The following CHL1 variants were observed in gnomAD, a reference collection of about 807,000 sequenced individuals.
The protein encoded by CHL1 is neural cell adhesion molecule L1-like protein.
CHL1 carries 96 observed loss-of-function variants against 141.9 expected under a neutral mutation model. That is an observed-to-expected ratio of 0.68 (90% CI 0.57 to 0.80). CHL1 has a LOEUF of 0.80. Ranked by LOEUF, CHL1 falls within the 30% of genes least tolerant of loss-of-function variation. The pLI, the probability that CHL1 is intolerant of heterozygous loss-of-function variation, is 0.00. For missense variants in CHL1, 1,820 were observed against 1,457.2 expected, an observed-to-expected ratio of 1.25 and a Z score of -4.05; for synonymous variants, 613 against 502.2, an observed-to-expected ratio of 1.22 and a Z score of -2.95.
At chr3:229,931 G>C (rs987328563) in intron 1 of CHL1, among the ~76,000 whole-genome samples, 2 of 152,074 alleles carry the variant, frequency 1.3e-5, no homozygotes, top group African/African-American at 4.8e-5. Flanking sequence ...TCTCAAAGGG[G>C]AAGAGTCACA....
chr3:281,341 C>T (rs577325910), intron 2 of CHL1, among the ~76,000 whole-genome samples: 1 of 152,254 alleles, frequency 6.6e-6, no homozygotes, highest in Admixed American at 6.5e-5. Context: ...TAGAAAGGGA[C>T]CTCACATCCA....
At chr3:391,216 T>G (rs1347225287) in intron 22 of CHL1, 57 bp downstream of exon 22, 4 of 1,360,340 alleles carry the variant, frequency 2.9e-6, no homozygotes, top group Non-Finnish European at 3.1e-6. Flanking sequence ...ATGGCCATAT[T>G]AAACATTCTT....
intron 20 of CHL1, 77 bp from the exon 21 acceptor site, chr3:390,624 A>G: frequency 1.2e-6 from 1 of 822,936 alleles, no homozygotes; most frequent in Non-Finnish European, 2.0e-6. Context: ...AAGAAACATT[A>G]TGAAAATTTT....
intron 2 of CHL1, among the ~76,000 whole-genome samples, chr3:293,362 G>T (rs961100233): frequency 6.6e-6 from 1 of 152,094 alleles, no homozygotes; most frequent in African/African-American, 2.4e-5. Context: ...AATTAGCCGG[G>T]CATGATGGCA....
At chr3:261,410 A>G (rs191247093) in intron 2 of CHL1, among the ~76,000 whole-genome samples, 1 of 152,252 alleles carries the variant, frequency 6.6e-6, no homozygotes, top group East Asian at 1.9e-4. Context: ...AGAAAATAAT[A>G]TTATTTTTTC....
At chr3:402,933 A>G (rs970679135) in intron 27 of CHL1, among the ~76,000 whole-genome samples, 9 of 152,314 alleles carry the variant, frequency 5.9e-5, no homozygotes, top group African/African-American at 2.2e-4. Context: ...AACAATAAAC[A>G]TTTATTATTT....
At chr3:403,201 G>A (rs1709280454) in intron 27 of CHL1, among the ~76,000 whole-genome samples, 1 of 152,034 alleles carries the variant, frequency 6.6e-6, no homozygotes, top group Admixed American at 6.6e-5. Flanking sequence ...ATCTCCATGG[G>A]GCCATTCACA....
At chr3:265,664 C>T (rs985154078) in intron 2 of CHL1, among the ~76,000 whole-genome samples, 7 of 152,096 alleles carry the variant, frequency 4.6e-5, no homozygotes, top group African/African-American at 1.4e-4. Flanking sequence ...CATATTCATT[C>T]AAAACCTATG....
chr3:337,196 T>G lies in CHL1; in HGVS notation c.386-3598T>G, dbSNP rs28655909. ...CCAAACATTCTTTTGTTTTTGTTTT[T>G]TTTTTTTTTTTTGAGACGGGGTCTT... On this transcript the variant is annotated intron_variant, in intron 5 of 27. Transcript: ENST00000256509. Among the ~76,000 whole-genome samples, 1,179 of 143,678 alleles carry G rather than the reference T, an allele frequency of 8.2e-3. 36 individuals carry two copies. Among genetic ancestry groups the G allele is most frequent in the Admixed American group, 0.047 (685 of 14,560 alleles). The allele number at this position is 143,678 out of a possible 152,430, so 94.3% of individuals were successfully genotyped here. A position where few individuals can be genotyped will look rare whatever the true frequency, so the allele number is the denominator to read the frequency against.
chr3:214,376 A>T (rs1049805377), intron 1 of CHL1, among the ~76,000 whole-genome samples: 1 of 152,206 alleles, frequency 6.6e-6, no homozygotes, highest in Non-Finnish European at 1.5e-5. Context: ...AATGACTTCA[A>T]ATATTAGGAT....
chr3:242,420 C>T (rs561220029), intron 1 of CHL1, among the ~76,000 whole-genome samples: 10 of 137,642 alleles, frequency 7.3e-5, no homozygotes, highest in Non-Finnish European at 1.3e-4. Flanking sequence ...CACGGTGAAA[C>T]CCCGTCTCTA....
chr3:332,772 G>C (rs1226430178), intron 5 of CHL1, among the ~76,000 whole-genome samples: 1 of 152,126 alleles, frequency 6.6e-6, no homozygotes, highest in East Asian at 1.9e-4. Context: ...TCGTTAAACT[G>C]TATATTACAT....
chr3:347,850 C>A (rs942783138), intron 9 of CHL1, among the ~76,000 whole-genome samples: 1 of 152,150 alleles, frequency 6.6e-6, no homozygotes, highest in African/African-American at 2.4e-5. Flanking sequence ...GTGCTCTTAG[C>A]CTGGTAAAAT....
chr3:285,359 A>T (rs1266216311), intron 2 of CHL1, among the ~76,000 whole-genome samples: 2 of 152,240 alleles, frequency 1.3e-5, no homozygotes, highest in Non-Finnish European at 2.9e-5. Flanking sequence ...TGCCAATGGC[A>T]TTTAAAAGTA....
chr3:308,533 T>C (rs751201428), intron 2 of CHL1, among the ~76,000 whole-genome samples: 9 of 151,658 alleles, frequency 5.9e-5, no homozygotes, highest in East Asian at 5.8e-4. Flanking sequence ...GATAGATAGA[T>C]AGATAATCAT....
Position 299,495 on chromosome 3 carries a change from G to C in CHL1, c.-94-20188G>C, listed in dbSNP as rs79487980. Among the ~76,000 whole-genome samples the C allele has an allele frequency of 2.9e-3, 443 of 152,278 alleles. 1 individual carries two copies. Among genetic ancestry groups the C allele is most frequent in the Admixed American group, 5.0e-3 (77 of 15,288 alleles). On this transcript the variant is annotated intron_variant, in intron 2 of 27. Transcript: ENST00000256509. ...GATGATATATTAGGCCAACAGGAATGAATGATAATAAAAATAGCTACCAAT... is the reference window on the plus strand; with the variant it reads ...GATGATATATTAGGCCAACAGGAATCAATGATAATAAAAATAGCTACCAAT...
intron 2 of CHL1, among the ~76,000 whole-genome samples, chr3:271,659 G>T (rs568613482): frequency 1.3e-5 from 2 of 152,298 alleles, no homozygotes; most frequent in East Asian, 1.9e-4. Context: ...AAGCCAGCGC[G>T]CAGAGCAGAG....
intron 6 of CHL1, among the ~76,000 whole-genome samples, chr3:341,248 T>G (rs1702324655): frequency 6.6e-6 from 1 of 152,164 alleles, no homozygotes; most frequent in African/African-American, 2.4e-5. Context: ...TTTGCTTAAT[T>G]TTCTAAAAGG....
In CHL1 at chr3:342,946, T is replaced by C. The variant is rs138634579; in HGVS notation, c.680-38T>C. 934 of 1,527,990 alleles carry C rather than the reference T, an allele frequency of 6.1e-4. 7 individuals are homozygous for C. The African/African-American group carries it at 0.012, about 19-fold the overall frequency. 94.7% of individuals were successfully genotyped at this position (1,527,990 alleles called of 1,614,324 possible). The stretch of plus-strand genomic sequence containing the variant: ...TCTTTATTGATATCAGCATCCACCA[T>C]TATGTTTGTGTTTTTTCCTTCCGTT... On this transcript the variant is annotated intron_variant, in intron 7 of 27. Transcript: ENST00000256509.
Sources: gnomAD v4.1 joint callset for allele counts (sites outside exome capture counted in the v4.1 genomes callset) on GRCh38, gnomAD v4.1.1 for gene constraint, MANE v1.5 for transcripts, NCBI Gene and HGNC (gene_info 2026-07-23, HGNC 2026-07-21) for gene names.